TOP2A: variants seen among roughly 807,000 people sequenced by gnomAD.
The protein encoded by TOP2A is DNA topoisomerase II alpha.
In TOP2A, 68 loss-of-function variants were observed where a neutral mutation model predicts 187.2. The ratio of observed to expected loss-of-function variants is 0.36; its 90% CI spans 0.30 to 0.44. The LOEUF is 0.44. Ranked by LOEUF, TOP2A falls within the 20% of genes least tolerant of loss-of-function variation. The pLI, the probability that TOP2A is intolerant of heterozygous loss-of-function variation, is 1.00. For missense variants in TOP2A, 1,196 were observed against 1,808.7 expected (o/e 0.66, Z 6.14); for synonymous variants, 542 against 593.2 (o/e 0.91, Z 1.25).
chr17:40,394,007 G>A (rs2035058784), intron 29 of TOP2A, among the ~76,000 whole-genome samples: 1 of 140,502 alleles, frequency 7.1e-6, no homozygotes, highest in Admixed American at 7.5e-5. Flanking sequence ...AGTGAGCCGA[G>A]ATCTCACTAC....
chr17:40,400,188 T>A (rs566145907), intron 23 of TOP2A, 21 bp downstream of exon 23: 1 of 1,611,320 alleles, frequency 6.2e-7, no homozygotes, highest in Non-Finnish European at 8.5e-7. Context: ...AACGTGTACA[T>A]CTCACAAAAC....
intron 7 of TOP2A, among the ~76,000 whole-genome samples, chr17:40,412,374 A>C (rs2035332828): frequency 6.6e-6 from 1 of 152,140 alleles, no homozygotes; most frequent in Non-Finnish European, 1.5e-5. Flanking sequence ...GGCCAGGTGC[A>C]GTGGCTCATG....
In TOP2A at chr17:40,411,592, G is replaced by C; in HGVS notation, c.963+53C>G. 6.4e-7 allele frequency: 1 copy of C among 1,571,640 alleles called. No homozygotes were observed. The highest frequency in any genetic ancestry group is 8.7e-7 in the Non-Finnish European group (1 of 1,148,944). ...CCACTTTATATATTAAAAACAATAA[G>C]AACACATATATGTAAAGATAAATCA... is the stretch of plus-strand genomic sequence containing the variant. On this transcript the variant is annotated intron_variant, in intron 8 of 34. Transcript: ENST00000423485. This position sits in a 1 kb window ranked among gnomAD's most constrained non-coding sequence, Gnocchi z 4.4.
rs1312656424 is a variant in TOP2A at position 40,404,237 on chromosome 17, C to G, written c.2198G>C (p.Cys733Ser). The G allele has an allele frequency of 1.2e-6, 2 of 1,613,688 alleles. No homozygotes were observed. Among genetic ancestry groups the G allele is most frequent in the African/African-American group, 2.7e-5 (2 of 74,920 alleles). ...TTCTCGCTTGTCATTCCGTTTGAAG[C>G]AAGTAAACAAAACCTTTCTCTGACC... ...KPGQRKVLFTCFKRNDKREVK... is the reference protein window; with the variant it reads ...KPGQRKVLFTSFKRNDKREVK... The change falls in exon 19 of 35, where the codon TGC becomes TCC. Residue 733 changes from cysteine to serine, a missense_variant. Physicochemically the swap from Cys to Ser is moderately radical, Grantham distance 112 (BLOSUM62 -1). Coordinates refer to ENST00000423485, the MANE Select transcript of TOP2A (RefSeq NM_001067.4).
At chr17:40,392,385 G>C (rs1282293800) in intron 30 of TOP2A, 44 bp from the exon 31 acceptor site, 2 of 1,554,418 alleles carry the variant, frequency 1.3e-6, no homozygotes, top group East Asian at 2.3e-5. Context: ...AGGGTAGTAG[G>C]AGAAACAATT....
Position 40,401,038 on chromosome 17 carries a change from A to G in TOP2A, c.2476T>C (p.Leu826=). The G allele has an allele frequency of 6.2e-7, 1 of 1,613,968 alleles. No homozygotes were observed. The highest frequency in any genetic ancestry group is 8.5e-7 in the Non-Finnish European group (1 of 1,179,864). Residue 826 remains leucine, a synonymous_variant, in exon 21 of 35, where the codon TTG becomes CTG. Coordinates refer to ENST00000423485, the MANE Select transcript of TOP2A (RefSeq NM_001067.4). ...LLFPPKDDHT[L]KFLYDDNQRV... is the part of the protein sequence containing the mutation. ...TGGTTGTCATCATATAAAAACTTCA[A>G]CGTGTGATCATCTTTTGGTGGAAAT...
chr17:40,408,448 C>G, intron 11 of TOP2A, 44 bp downstream of exon 11: 6 of 1,545,480 alleles, frequency 3.9e-6, no homozygotes, highest in Non-Finnish European at 5.2e-6. Context: ...AATAAAATAA[C>G]AACTATAAGA....
intron 13 of TOP2A, 137 bp from the exon 14 acceptor site, chr17:40,407,079 C>A: frequency 1.7e-6 from 1 of 591,424 alleles, no homozygotes; most frequent in Non-Finnish European, 3.0e-6. Context: ...GCCTGGCCAA[C>A]ATGGTGAAAC....
In TOP2A at chr17:40,391,926, G is replaced by A. The variant is rs2035026085; in HGVS notation, c.4132+142C>T. 4.3e-6 allele frequency: 4 copies of A among 936,026 alleles called. No homozygotes were observed. The South Asian group carries it at 7.2e-5, about 17-fold the overall frequency. The allele number at this position is 936,026 out of a possible 1,614,324, so 58.0% of individuals were successfully genotyped here. ...ATTTACATGTGAAACTAAACCCAGTGAACAGTATCAACATAATGTTAATAA... is the reference window on the plus strand; with the variant it reads ...ATTTACATGTGAAACTAAACCCAGTAAACAGTATCAACATAATGTTAATAA... On this transcript the variant is annotated intron_variant, in intron 32 of 34. Transcript: ENST00000423485.
rs373270877 is a variant in TOP2A, at chr17:40,392,616, A to G, written c.3933T>C (p.Pro1311=). ...CTCTCCGTGGCTCTGTTTCTCGTGG[A>G]GGGACATCAAAATTACTTTCGTCAC... ...RSSDESNFDV[P]PRETEPRRAA... is the part of the protein sequence containing the mutation. The change falls in exon 30 of 35, where the codon CCT becomes CCC. Residue 1311 remains proline, a synonymous_variant. Transcript: ENST00000423485. 59 of 1,613,012 alleles carry G rather than the reference A, an allele frequency of 3.7e-5. No individual in the cohort carries two copies. The African/African-American group carries it at 7.7e-4, about 21-fold the overall frequency.
intron 1 of TOP2A, 85 bp from the exon 2 acceptor site, chr17:40,416,980 G>T: frequency 8.4e-7 from 1 of 1,190,184 alleles, no homozygotes; most frequent in Non-Finnish European, 1.2e-6. Context: ...CTACCATAGT[G>T]AGATGTCAAC....
At position 40,413,466 on chromosome 17, in the gene TOP2A, C is replaced by T; in HGVS notation, c.478+14G>A. 1.3e-6 allele frequency: 2 copies of T among 1,513,960 alleles called. No homozygotes were observed. Among genetic ancestry groups the T allele is most frequent in the Middle Eastern group, 1.7e-4 (1 of 5,802 alleles). The allele number at this position is 1,513,960 out of a possible 1,614,324, so 93.8% of individuals were successfully genotyped here. A position where few individuals can be genotyped will look rare whatever the true frequency, so the allele number is the denominator to read the frequency against. Reference sequence around the variant, plus strand: ...TTTTAGCAACAAATATGTTATTTCCCCTCAATACTCTACCTGTCACTTTCT... The same window carrying T: ...TTTTAGCAACAAATATGTTATTTCCTCTCAATACTCTACCTGTCACTTTCT... On this transcript the variant is annotated intron_variant, in intron 5 of 34. Transcript: ENST00000423485.
intron 27 of TOP2A, 143 bp downstream of exon 27, chr17:40,398,415 C>G: frequency 1.3e-6 from 1 of 758,390 alleles, no homozygotes; most frequent in South Asian, 2.0e-5. Context: ...ATAATCTGTT[C>G]TTTTATACGC....
intron 27 of TOP2A, 65 bp from the exon 28 acceptor site, chr17:40,396,530 C>G: frequency 6.4e-7 from 1 of 1,556,666 alleles, no homozygotes; most frequent in Non-Finnish European, 8.7e-7. Flanking sequence ...TCTAAACACC[C>G]AACAGTTAAA....
chr17:40,399,178 T>C, intron 24 of TOP2A, 47 bp from the exon 25 acceptor site: 2 of 1,310,202 alleles, frequency 1.5e-6, no homozygotes, highest in South Asian at 2.5e-5. Context: ...AGTAATATTT[T>C]AGGAAGGGGA....
intron 27 of TOP2A, among the ~76,000 whole-genome samples, chr17:40,397,251 CCTT>C (rs773765845): frequency 7.8e-4 from 117 of 149,852 alleles, no homozygotes; most frequent in Non-Finnish European, 1.3e-3. Context: ...TAACAAATAA[CCTT>C]CTGAAACCAT....
intron 1 of TOP2A, among the ~76,000 whole-genome samples, chr17:40,417,345 G>A (rs2035404023): frequency 6.6e-6 from 1 of 152,090 alleles, no homozygotes; most frequent in Admixed American, 6.5e-5. Context: ...TCAGGAAGGG[G>A]GCGCTTTTGT....
intron 27 of TOP2A, among the ~76,000 whole-genome samples, chr17:40,398,316 C>G (rs551383727): frequency 6.6e-6 from 1 of 152,084 alleles, no homozygotes; most frequent in South Asian, 2.1e-4. Context: ...GTTGGCCAGG[C>G]TGGTCTTGAA....
At chr17:40,405,005 T>G (rs1050012794) in intron 16 of TOP2A, 122 bp from the exon 17 acceptor site, 1 of 605,448 alleles carries the variant, frequency 1.7e-6, no homozygotes. Context: ...TTTTTTTTTT[T>G]GAGACGGGAG....
Sources: allele counts gnomAD v4.1 joint callset (sites outside exome capture counted in the v4.1 genomes callset), GRCh38; gene constraint gnomAD v4.1.1; non-coding constraint Gnocchi (gnomAD v3.1); transcripts MANE v1.5; gene names NCBI Gene and HGNC (gene_info 2026-07-23, HGNC 2026-07-21).